The following CADM1 variants were observed in gnomAD, a reference collection of about 807,000 sequenced individuals.
CADM1 encodes the protein TSLC-1.
In CADM1, 15 loss-of-function variants were observed where a neutral mutation model predicts 53.1. The observed-to-expected ratio is 0.28, with a 90% CI of 0.19 to 0.44. CADM1 has a LOEUF of 0.44. CADM1 is among the 20% of genes least tolerant of loss of function. CADM1 has a pLI of 1.00. For missense variants in CADM1, 434 were observed against 611.3 expected (o/e 0.71, Z 3.06); for synonymous variants, 281 against 243.0 (o/e 1.16, Z -1.45).
intron 1 of CADM1, among the ~76,000 whole-genome samples, chr11:115,494,727 C>T (rs552003410): frequency 6.6e-6 from 1 of 152,222 alleles, no homozygotes; most frequent in African/African-American, 2.4e-5. Context: ...AAATAACCCC[C>T]ACCACTAGGT....
At chr11:115,410,588 T>TG (rs1476306961) in intron 1 of CADM1, among the ~76,000 whole-genome samples, 2 of 151,628 alleles carry the variant, frequency 1.3e-5, no homozygotes, top group African/African-American at 4.9e-5. Context: ...AATGATGAGA[T>TG]GGACAAGAAC....
chr11:115,272,271 C>T (rs1039007706), intron 1 of CADM1, among the ~76,000 whole-genome samples: 5 of 152,118 alleles, frequency 3.3e-5, no homozygotes, highest in African/African-American at 1.2e-4. Flanking sequence ...TACTCAGTTG[C>T]AACATTTCTC....
chr11:115,305,481 T>G (rs1304830472), intron 1 of CADM1, among the ~76,000 whole-genome samples: 1 of 152,058 alleles, frequency 6.6e-6, no homozygotes, highest in Non-Finnish European at 1.5e-5. Flanking sequence ...TTTTGGTCTC[T>G]ACTGCTTATT....
intron 1 of CADM1, among the ~76,000 whole-genome samples, chr11:115,498,598 C>T (rs1425820420): frequency 6.6e-6 from 1 of 152,234 alleles, no homozygotes; most frequent in Non-Finnish European, 1.5e-5. Flanking sequence ...CCGATCCAAA[C>T]AAAACCTTGC....
At position 115,328,370 on chromosome 11, in the gene CADM1, G is replaced by A. The variant is rs949660704; in HGVS notation, c.125-87950C>T. 3.3e-5 allele frequency among the ~76,000 whole-genome samples: 5 copies of A among 151,864 alleles called. No individual in the cohort carries two copies. In the East Asian group the frequency reaches 7.8e-4, roughly 24 times the overall value. On this transcript the variant is annotated intron_variant, in intron 1 of 11. Transcript: ENST00000331581. ...AGATTTCACAGTAAATTTAATGGGC[G>A]AGAAACAGTGCAATTATTTATAAAG...
At chr11:115,422,697 C>A (rs980049096) in intron 1 of CADM1, among the ~76,000 whole-genome samples, 6 of 152,144 alleles carry the variant, frequency 3.9e-5, no homozygotes, top group Non-Finnish European at 7.4e-5. Flanking sequence ...ACAGATAGTT[C>A]GCTGTGCCCT....
intron 1 of CADM1, 96 bp downstream of exon 1, chr11:115,504,175 G>A (rs1949798929): frequency 2.0e-6 from 3 of 1,515,536 alleles, no homozygotes; most frequent in South Asian, 2.4e-5. Context: ...AGGAAGTGGG[G>A]GGAGGTTGTC....
chr11:115,384,490 A>T (rs1244113417), intron 1 of CADM1, among the ~76,000 whole-genome samples: 1 of 152,182 alleles, frequency 6.6e-6, no homozygotes, highest in Non-Finnish European at 1.5e-5. Flanking sequence ...TATCACAGAA[A>T]ACCACAACAC....
chr11:115,311,331 C>T (rs762678386), intron 1 of CADM1, among the ~76,000 whole-genome samples: 32 of 152,082 alleles, frequency 2.1e-4, no homozygotes, highest in Non-Finnish European at 4.1e-4. Context: ...TGGGAGCTTA[C>T]TATGGTGTGA....
intron 7 of CADM1, among the ~76,000 whole-genome samples, chr11:115,212,525 G>A (rs750962724): frequency 1.6e-4 from 25 of 152,148 alleles, no homozygotes; most frequent in Admixed American, 7.9e-4. Flanking sequence ...GGAGACATGT[G>A]TATGTAGCTG....
intron 1 of CADM1, among the ~76,000 whole-genome samples, chr11:115,280,392 G>T (rs978185118): frequency 6.6e-6 from 1 of 152,126 alleles, no homozygotes; most frequent in Non-Finnish European, 1.5e-5. Context: ...TTCTAGAGGG[G>T]TTATAAAAAT....
chr11:115,344,058 C>G (rs1260929823), intron 1 of CADM1, among the ~76,000 whole-genome samples: 2 of 149,404 alleles, frequency 1.3e-5, no homozygotes, highest in African/African-American at 5.0e-5. Flanking sequence ...ACCCCAAACA[C>G]TCACCTACTT....
chr11:115,453,818 C>A (rs890986711), intron 1 of CADM1, among the ~76,000 whole-genome samples: 1 of 152,134 alleles, frequency 6.6e-6, no homozygotes, highest in Non-Finnish European at 1.5e-5. Flanking sequence ...CAAGTATTTC[C>A]TGCCATGCTA....
intron 1 of CADM1, among the ~76,000 whole-genome samples, chr11:115,361,674 T>C (rs1197117270): frequency 5.3e-5 from 8 of 152,056 alleles, no homozygotes; most frequent in Admixed American, 2.6e-4. Context: ...ACACCCACAA[T>C]ACACCCGTGC....
rs58261564 is a variant in CADM1 at position 115,254,549 on chromosome 11, AACACACACACACACACACAC to A, written c.125-14149_125-14130del. Among the ~76,000 whole-genome samples, 12 of 134,990 alleles carry A rather than the reference AACACACACACACACACACAC, an allele frequency of 8.9e-5. No individual in the cohort carries two copies. In the East Asian group the frequency reaches 1.3e-3, roughly 14 times the overall value. 88.6% of individuals were successfully genotyped at this position (134,990 alleles called of 152,430 possible). On this transcript the variant is annotated intron_variant, in intron 1 of 11. Coordinates refer to ENST00000331581, the MANE Select transcript of CADM1 (RefSeq NM_001301043.2). The stretch of plus-strand genomic sequence containing the variant: ...AAGTTCCTAATGCGCAAGGGAGACA[AACACACACACACACACACAC>A]ACACACACACACACACACACACACA...
In CADM1 at chr11:115,324,440, T is replaced by C. The variant is rs375825500; in HGVS notation, c.125-84020A>G. On this transcript the variant is annotated intron_variant, in intron 1 of 11. Coordinates refer to ENST00000331581, the MANE Select transcript of CADM1 (RefSeq NM_001301043.2). ...AAAATTGTGAGTAAGTCAGCACTAG[T>C]ACTTTTACATGCTATATACTACAGA... 1.4e-4 allele frequency among the ~76,000 whole-genome samples: 22 copies of C among 152,286 alleles called. No individual in the cohort carries two copies. In the East Asian group the frequency reaches 3.5e-3, roughly 24 times the overall value.
intron 1 of CADM1, among the ~76,000 whole-genome samples, chr11:115,309,028 T>C (rs1944464974): frequency 6.6e-6 from 1 of 152,134 alleles, no homozygotes; most frequent in Non-Finnish European, 1.5e-5. Flanking sequence ...ATGTAAATGG[T>C]ATTCACAATT....
chr11:115,237,696 A>G (rs1942059141), intron 3 of CADM1, among the ~76,000 whole-genome samples: 1 of 152,226 alleles, frequency 6.6e-6, no homozygotes, highest in Non-Finnish European at 1.5e-5. Context: ...TTCAGTTTCA[A>G]GAATCCAAAT....
chr11:115,297,493 C>T (rs920875622), intron 1 of CADM1, among the ~76,000 whole-genome samples: 5 of 152,218 alleles, frequency 3.3e-5, no homozygotes, highest in African/African-American at 1.2e-4. Context: ...CAAACACAAA[C>T]AGATCCACTG....
Sources: allele counts gnomAD v4.1 joint callset (sites outside exome capture counted in the v4.1 genomes callset), GRCh38; gene constraint gnomAD v4.1.1; transcripts MANE v1.5; gene names NCBI Gene and HGNC (gene_info 2026-07-23, HGNC 2026-07-21).